Variants in NELL1 observed in about 807,000 individuals in gnomAD.
NELL1 encodes the protein neural EGFL like 1.
In NELL1, 76 loss-of-function variants were observed where a neutral mutation model predicts 107.4. The ratio of observed to expected loss-of-function variants is 0.71; its 90% CI spans 0.59 to 0.86. NELL1 has a LOEUF of 0.86. NELL1 is among the 40% of genes least tolerant of loss of function. The pLI, the probability that NELL1 is intolerant of heterozygous loss-of-function variation, is 0.00. For synonymous variants in NELL1, 353 were observed against 341.2 expected, an observed-to-expected ratio of 1.03 and a Z score of -0.38; for missense variants, 1,024 against 1,005.5, an observed-to-expected ratio of 1.02 and a Z score of -0.25.
At chr11:20,951,518 G>A (rs1161058946) in intron 11 of NELL1, among the ~76,000 whole-genome samples, 1 of 152,078 alleles carries the variant, frequency 6.6e-6, no homozygotes, top group Non-Finnish European at 1.5e-5. Flanking sequence ...CAAGCTAGGG[G>A]CTCAGATACC....
At chr11:21,483,251 T>C (rs900160194) in intron 15 of NELL1, among the ~76,000 whole-genome samples, 1 of 152,206 alleles carries the variant, frequency 6.6e-6, no homozygotes, top group Non-Finnish European at 1.5e-5. Flanking sequence ...AGCACTTCAA[T>C]TGCTCAACTA....
At chr11:20,783,088 T>C (rs916750774) in intron 2 of NELL1, among the ~76,000 whole-genome samples, 37 of 152,208 alleles carry the variant, frequency 2.4e-4, no homozygotes, top group African/African-American at 8.9e-4. Flanking sequence ...ATTTATTCGT[T>C]AAGCAAAGGC....
At chr11:20,694,443 T>G (rs1854559174) in intron 2 of NELL1, among the ~76,000 whole-genome samples, 1 of 152,162 alleles carries the variant, frequency 6.6e-6, no homozygotes, top group Non-Finnish European at 1.5e-5. Context: ...AATTTTTGCA[T>G]ATAGTGAGAG....
chr11:20,879,753 A>G (rs897448610), intron 4 of NELL1, among the ~76,000 whole-genome samples: 1 of 152,244 alleles, frequency 6.6e-6, no homozygotes, highest in Non-Finnish European at 1.5e-5. Context: ...TCAAAGAATT[A>G]CATTTTTGGA....
chr11:20,833,264 G>A (rs1205571659), intron 3 of NELL1, among the ~76,000 whole-genome samples: 1 of 151,870 alleles, frequency 6.6e-6, no homozygotes, highest in Non-Finnish European at 1.5e-5. Flanking sequence ...AAAGTGGTAT[G>A]TGGTAAGACT....
At chr11:20,758,833 C>A (rs1856355758) in intron 2 of NELL1, among the ~76,000 whole-genome samples, 1 of 152,190 alleles carries the variant, frequency 6.6e-6, no homozygotes, top group African/African-American at 2.4e-5. Flanking sequence ...GGGGGCAAAA[C>A]TCAGTTGAGG....
chr11:21,545,814 G>T (rs1404834554), intron 16 of NELL1, among the ~76,000 whole-genome samples: 1 of 151,942 alleles, frequency 6.6e-6, no homozygotes, highest in African/African-American at 2.4e-5. Context: ...TTAGAAGTAT[G>T]ATCCTCAGAC....
At chr11:21,353,649 T>C (rs903318228) in intron 14 of NELL1, among the ~76,000 whole-genome samples, 1 of 152,168 alleles carries the variant, frequency 6.6e-6, no homozygotes, top group Non-Finnish European at 1.5e-5. Context: ...AAGCAGCTAT[T>C]AATCAGACAC....
intron 13 of NELL1, among the ~76,000 whole-genome samples, chr11:21,213,436 G>A (rs1211596548): frequency 6.6e-6 from 1 of 151,914 alleles, no homozygotes; most frequent in African/African-American, 2.4e-5. Flanking sequence ...TGAATATTAA[G>A]GATTTTTTTA....
rs897516346 is a variant in NELL1, at chr11:21,175,126, C to A, written c.1427-54206C>A. Among the ~76,000 whole-genome samples the A allele has an allele frequency of 3.3e-5, 5 of 151,782 alleles. No homozygotes were observed. In the South Asian group the frequency reaches 1.0e-3, roughly 32 times the overall value. ...AATTGCTGTCTAAAATTAGTAGCAG[C>A]GTAATTCTGACCTTCTTTCATTTCC... On this transcript the variant is annotated intron_variant, in intron 13 of 19. Coordinates refer to ENST00000357134, the MANE Select transcript of NELL1 (RefSeq NM_006157.5).
At position 21,428,460 on chromosome 11, in the gene NELL1, GT is replaced by G. The variant is rs1464127878; in HGVS notation, c.1645+57515del. Among the ~76,000 whole-genome samples, 4 of 152,214 alleles carry G rather than the reference GT, an allele frequency of 2.6e-5. No individual in the cohort carries two copies. The East Asian group carries it at 7.7e-4, about 29-fold the overall frequency. On this transcript the variant is annotated intron_variant, in intron 15 of 19. Transcript: ENST00000357134. ...ATTGTTACTTTTATTTGAGTAAAAG[GT>G]TTGGATTTGGTTATTGACTGATACA...
chr11:21,067,496 C>T (rs184349839), intron 12 of NELL1, among the ~76,000 whole-genome samples: 9 of 152,174 alleles, frequency 5.9e-5, no homozygotes, highest in African/African-American at 1.9e-4. Context: ...AGACAACTCA[C>T]AGTGCTCAGA....
At chr11:20,980,150 G>A (rs1253282538) in intron 12 of NELL1, among the ~76,000 whole-genome samples, 19 of 151,956 alleles carry the variant, frequency 1.3e-4, no homozygotes, top group Admixed American at 1.2e-3. Context: ...TGAATTTATC[G>A]AGCATCTCTT....
intron 15 of NELL1, among the ~76,000 whole-genome samples, chr11:21,461,911 C>T (rs989794429): frequency 6.6e-6 from 1 of 152,058 alleles, no homozygotes; most frequent in South Asian, 2.1e-4. Flanking sequence ...TTCCAAAGGT[C>T]CAGGAGCCAA....
intron 14 of NELL1, among the ~76,000 whole-genome samples, chr11:21,324,636 G>C (rs1179238287): frequency 1.3e-5 from 2 of 151,986 alleles, no homozygotes; most frequent in Admixed American, 6.6e-5. Flanking sequence ...TTAGGAGAAA[G>C]GATTTAGTAA....
chr11:21,259,194 T>A (rs1416533912), intron 14 of NELL1, among the ~76,000 whole-genome samples: 1 of 151,924 alleles, frequency 6.6e-6, no homozygotes, highest in Non-Finnish European at 1.5e-5. Context: ...AGACTCAGCA[T>A]GAATGAGACA....
Position 20,783,731 on chromosome 11 carries a change from A to G in NELL1, c.236A>G (p.Gln79Arg). 1 of 1,614,040 alleles carries G rather than the reference A, an allele frequency of 6.2e-7. No individual in the cohort carries two copies. Among genetic ancestry groups the G allele is most frequent in the Non-Finnish European group, 8.5e-7 (1 of 1,179,942 alleles). The change falls in exon 3 of 20, where the codon CAG (glutamine) becomes CGG (arginine). Residue 79 changes from glutamine to arginine, a missense_variant. Physicochemically the swap from Gln to Arg is conservative, Grantham distance 43. Transcript: ENST00000357134. The part of the protein sequence containing the change: ...AAPHVSEKLI[Q>R]LFRNKSEFTI... ...CCTCATGTGAGTGAGAAATTAATTC[A>G]GCTGTTCCGGAACAAGAGTGAATTC...
intron 6 of NELL1, among the ~76,000 whole-genome samples, chr11:20,918,985 A>G (rs1228952119): frequency 6.6e-6 from 1 of 152,024 alleles, no homozygotes; most frequent in Admixed American, 6.6e-5. Context: ...CTCCCTATAA[A>G]AATGAGAGTT....
intron 3 of NELL1, among the ~76,000 whole-genome samples, chr11:20,828,642 G>A (rs1857936428): frequency 6.6e-6 from 1 of 152,108 alleles, no homozygotes; most frequent in South Asian, 2.1e-4. Flanking sequence ...CCTGCCTTCT[G>A]GCCTTCCCAC....
Sources: allele counts gnomAD v4.1 joint callset (sites outside exome capture counted in the v4.1 genomes callset), GRCh38; gene constraint gnomAD v4.1.1; transcripts MANE v1.5; gene names NCBI Gene and HGNC (gene_info 2026-07-23, HGNC 2026-07-21).